The following RIC3 variants were observed in gnomAD, a reference collection of about 807,000 sequenced individuals.
RIC3 encodes protein RIC-3.
In RIC3, 28 loss-of-function variants were observed where a neutral mutation model predicts 27.3. That is an observed-to-expected ratio of 1.02 (90% confidence interval 0.76 to 1.41). RIC3 has a LOEUF of 1.41. Ranked by LOEUF, RIC3 falls within the 40% of genes most tolerant of loss-of-function variation. The pLI is 0.00. For missense variants in RIC3, 501 were observed against 444.7 expected (o/e 1.13, Z -1.14); for synonymous variants, 184 against 160.4 (o/e 1.15, Z -1.11).
chr11:8,135,341 T>G (rs553405607), intron 4 of RIC3, among the ~76,000 whole-genome samples: 16 of 152,342 alleles, frequency 1.1e-4, no homozygotes, highest in African/African-American at 3.4e-4. Context: ...CATTGGTCTA[T>G]ATCTCTGTTT....
At chr11:8,126,217 T>A (rs896738159) in intron 5 of RIC3, among the ~76,000 whole-genome samples, 2 of 152,274 alleles carry the variant, frequency 1.3e-5, no homozygotes, top group Admixed American at 1.3e-4. Context: ...AACTGGTGAA[T>A]GGACAAACAA....
the RIC3 span, among the ~76,000 whole-genome samples, chr11:8,098,112 C>T: frequency 3.9e-5 from 6 of 152,140 alleles, no homozygotes; most frequent in East Asian, 9.7e-4. Context: ...TAACGCAGGC[C>T]ACCATGGAAG....
At chr11:8,097,834 C>A in the RIC3 span, 2 of 1,604,962 alleles carry the variant, frequency 1.2e-6, no homozygotes, top group Non-Finnish European at 8.5e-7. Flanking sequence ...GCGGTACTAG[C>A]ATTCCCCCAG....
the RIC3 span, among the ~76,000 whole-genome samples, chr11:8,099,904 T>C: frequency 6.6e-6 from 1 of 151,968 alleles, no homozygotes; most frequent in Non-Finnish European, 1.5e-5. Context: ...CAGTAAATGG[T>C]GAGGAGAGGA....
chr11:8,163,018 A>AACACACACACACACACACAC (rs59248468), intron 1 of RIC3, among the ~76,000 whole-genome samples: 524 of 136,002 alleles, frequency 3.9e-3, no homozygotes, highest in Middle Eastern at 7.6e-3. Flanking sequence ...GGATTATTTA[A>AACACACACACACACACACAC]ACACACACAC....
Position 8,109,488 on chromosome 11 carries a change from C to CT in RIC3, c.*1209dup. The CT allele has an allele frequency of 6.6e-6, 1 of 152,100 alleles. No individual in the cohort carries two copies. The highest frequency in any genetic ancestry group is 1.5e-5 in the Non-Finnish European group (1 of 68,032). The allele number at this position is 152,100 out of a possible 1,614,324, so 9.4% of individuals were successfully genotyped here. A position where few individuals can be genotyped will look rare whatever the true frequency, so the allele number is the denominator to read the frequency against. Reference sequence around the variant, plus strand: ...TGGTCAAAATCCTCCCAGTCTTAATCTAGTTGCTGCTACTTTCCCCAGCTC... The same window carrying CT: ...TGGTCAAAATCCTCCCAGTCTTAATCTTAGTTGCTGCTACTTTCCCCAGCTC... On this transcript the variant is annotated 3_prime_UTR_variant, in exon 6 of 6. Transcript: ENST00000309737.
At chr11:8,167,138 T>C (rs1951765685) in intron 1 of RIC3, among the ~76,000 whole-genome samples, 1 of 152,174 alleles carries the variant, frequency 6.6e-6, no homozygotes, top group Non-Finnish European at 1.5e-5. Flanking sequence ...TATTGGTAGC[T>C]TAATAATCTT....
intron 1 of RIC3, among the ~76,000 whole-genome samples, chr11:8,161,722 C>T (rs367709969): frequency 4.6e-5 from 7 of 152,278 alleles, no homozygotes; most frequent in African/African-American, 1.7e-4. Flanking sequence ...AGAAAAGAGG[C>T]CTGGAGCTGT....
At chr11:8,136,554 C>G (rs1453282641) in intron 4 of RIC3, among the ~76,000 whole-genome samples, 3 of 152,192 alleles carry the variant, frequency 2.0e-5, no homozygotes, top group Non-Finnish European at 1.5e-5. Flanking sequence ...CCTTTCAGAT[C>G]CTCAGCCAGC....
the RIC3 span, among the ~76,000 whole-genome samples, chr11:8,098,406 C>T: frequency 6.6e-6 from 1 of 152,170 alleles, no homozygotes; most frequent in African/African-American, 2.4e-5. Flanking sequence ...ATCCTCTCTC[C>T]ACGGGTGCTA....
intron 4 of RIC3, among the ~76,000 whole-genome samples, chr11:8,127,075 C>T (rs1208803005): frequency 6.6e-6 from 1 of 152,136 alleles, no homozygotes; most frequent in Non-Finnish European, 1.5e-5. Context: ...TAGGACCAGA[C>T]CCCAGATGTC....
intron 1 of RIC3, among the ~76,000 whole-genome samples, chr11:8,145,499 G>A (rs1032440171): frequency 3.9e-5 from 6 of 152,100 alleles, no homozygotes; most frequent in African/African-American, 1.4e-4. Flanking sequence ...CCTTGGAGGA[G>A]GACTTTAAGT....
chr11:8,141,439 T>G (rs1949056934), intron 1 of RIC3, among the ~76,000 whole-genome samples: 1 of 152,144 alleles, frequency 6.6e-6, no homozygotes, highest in African/African-American at 2.4e-5. Context: ...AGAAGGCCAT[T>G]ACATAATGGT....
At chr11:8,140,851 G>A (rs191267652) in intron 1 of RIC3, among the ~76,000 whole-genome samples, 2 of 151,844 alleles carry the variant, frequency 1.3e-5, no homozygotes, top group Non-Finnish European at 2.9e-5. Flanking sequence ...AACCCTACAA[G>A]CCAGAAGAGA....
At chr11:8,122,312 C>T (rs180884420) in intron 5 of RIC3, among the ~76,000 whole-genome samples, 235 of 152,256 alleles carry the variant, frequency 1.5e-3, no homozygotes, top group African/African-American at 5.4e-3. Flanking sequence ...AATATTGCCA[C>T]GTCAATTATA....
At chr11:8,126,899 AG>A in intron 4 of RIC3, 92 bp from the exon 5 acceptor site, 1 of 1,459,256 alleles carries the variant, frequency 6.9e-7, no homozygotes, top group Non-Finnish European at 9.5e-7. Flanking sequence ...GTACTGGAAT[AG>A]AAAGTGCAAT....
intron 4 of RIC3, among the ~76,000 whole-genome samples, chr11:8,134,657 G>A (rs1486904612): frequency 1.3e-5 from 2 of 152,234 alleles, no homozygotes; most frequent in East Asian, 3.9e-4. Context: ...TCCAGCACCT[G>A]TTATTTCCTG....
intron 1 of RIC3, among the ~76,000 whole-genome samples, chr11:8,159,910 C>T (rs1287194237): frequency 1.3e-5 from 2 of 152,080 alleles, no homozygotes; most frequent in Non-Finnish European, 2.9e-5. Flanking sequence ...AGGACAATTG[C>T]TTGAACTTGG....
the RIC3 span, chr11:8,093,953 A>C: frequency 1.3e-6 from 2 of 1,532,004 alleles, no homozygotes; most frequent in Non-Finnish European, 9.0e-7. Flanking sequence ...GGTGCAGTCA[A>C]AAATGCTGTG....
Sources: allele counts gnomAD v4.1 joint callset (sites outside exome capture counted in the v4.1 genomes callset), GRCh38; gene constraint gnomAD v4.1.1; transcripts MANE v1.5; gene names NCBI Gene and HGNC (gene_info 2026-07-23, HGNC 2026-07-21).